The following DPP6 variants were observed in gnomAD, a reference collection of about 807,000 sequenced individuals.
The protein encoded by DPP6 is A-type potassium channel modulatory protein DPP6.
In DPP6, 69 loss-of-function variants were observed where a neutral mutation model predicts 122.6. That is an observed-to-expected ratio of 0.56 (90% CI 0.46 to 0.69). The LOEUF (loss-of-function observed/expected upper bound fraction) is 0.69. Ranked by LOEUF, DPP6 falls within the 30% of genes least tolerant of loss-of-function variation. The pLI, the probability that DPP6 is intolerant of heterozygous loss-of-function variation, is 0.00. For synonymous variants in DPP6, 418 were observed against 433.1 expected (o/e 0.97, Z 0.43); for missense variants, 928 against 1,116.9 (o/e 0.83, Z 2.41).
chr7:154,888,932 G>C (rs1367836196), intron 23 of DPP6, among the ~76,000 whole-genome samples: 1 of 152,154 alleles, frequency 6.6e-6, no homozygotes, highest in Non-Finnish European at 1.5e-5. Flanking sequence ...GCCTTATAAA[G>C]TCATCAGCTC....
At chr7:154,468,879 C>A (rs956393178) in intron 2 of DPP6, among the ~76,000 whole-genome samples, 2 of 152,136 alleles carry the variant, frequency 1.3e-5, no homozygotes, top group Admixed American at 1.3e-4. Flanking sequence ...ATTAGTATCT[C>A]TGTGAGACTT....
intron 16 of DPP6, among the ~76,000 whole-genome samples, chr7:154,817,586 G>T (rs376124023): frequency 6.6e-6 from 1 of 152,078 alleles, no homozygotes; most frequent in African/African-American, 2.4e-5. Flanking sequence ...TCGATGTTAC[G>T]AATATCATGA....
chr7:153,932,590 T>C (rs566176611), intron 1 of DPP6, among the ~76,000 whole-genome samples: 1 of 152,240 alleles, frequency 6.6e-6, no homozygotes, highest in African/African-American at 2.4e-5. Context: ...ACAAACAAGA[T>C]TGAGAATCTG....
intron 1 of DPP6, among the ~76,000 whole-genome samples, chr7:154,024,656 G>C (rs4726369): frequency 6.6e-6 from 1 of 152,154 alleles, no homozygotes; most frequent in Non-Finnish European, 1.5e-5. Flanking sequence ...TCCCTTTAAC[G>C]TGCGTATGTT....
chr7:154,609,909 G>A lies in DPP6; in HGVS notation c.628-27912G>A, dbSNP rs562785414. ...CATTCACTCCTTTCCAGAAATGATCGCTGCTTTTTATATTCTCCTTGGAAA... is the reference window on the plus strand; with the variant it reads ...CATTCACTCCTTTCCAGAAATGATCACTGCTTTTTATATTCTCCTTGGAAA... On this transcript the variant is annotated intron_variant, in intron 5 of 25. Coordinates refer to ENST00000377770, the MANE Select transcript of DPP6 (RefSeq NM_130797.4). Among the ~76,000 whole-genome samples the A allele has an allele frequency of 1.1e-4, 16 of 152,134 alleles. No homozygotes were observed. The South Asian group carries it at 2.1e-3, about 20-fold the overall frequency.
intron 1 of DPP6, among the ~76,000 whole-genome samples, chr7:154,320,492 TG>T (rs1452485269): frequency 4.5e-4 from 68 of 152,220 alleles, no homozygotes; most frequent in African/African-American, 1.5e-3. Flanking sequence ...TTTTTGTTGT[TG>T]TTTTTCTTGA....
At chr7:154,663,971 A>T (rs532505520) in intron 6 of DPP6, among the ~76,000 whole-genome samples, 38 of 67,592 alleles carry the variant, frequency 5.6e-4, no homozygotes, top group African/African-American at 1.6e-3. Flanking sequence ...TGGCGCTAGT[A>T]TTCATATAGT....
chr7:153,955,433 G>T (rs1802414189), intron 1 of DPP6, among the ~76,000 whole-genome samples: 1 of 151,970 alleles, frequency 6.6e-6, no homozygotes, highest in Non-Finnish European at 1.5e-5. Flanking sequence ...CATTATTGTT[G>T]TTATTTATTT....
intron 3 of DPP6, among the ~76,000 whole-genome samples, chr7:154,480,557 C>T (rs1019794919): frequency 6.6e-6 from 1 of 152,162 alleles, no homozygotes; most frequent in Non-Finnish European, 1.5e-5. Context: ...CCGGTTCTCC[C>T]TCTTCTCCCT....
chr7:154,290,079 C>T (rs1563422121), intron 1 of DPP6, among the ~76,000 whole-genome samples: 1 of 152,226 alleles, frequency 6.6e-6, no homozygotes. Flanking sequence ...CATGGACACA[C>T]TGCAGTGCCA....
At chr7:153,763,666 A>T in the DPP6 span, among the ~76,000 whole-genome samples, 1 of 152,158 alleles carries the variant, frequency 6.6e-6, no homozygotes, top group Non-Finnish European at 1.5e-5. Context: ...GGGTTTACTA[A>T]TGTGTTATAG....
At chr7:154,061,829 C>G (rs1397358809) in intron 1 of DPP6, among the ~76,000 whole-genome samples, 44 of 138,616 alleles carry the variant, frequency 3.2e-4, no homozygotes, top group African/African-American at 1.1e-3. Flanking sequence ...CCTCTTCCCC[C>G]CTTTGCTCTT....
the DPP6 span, among the ~76,000 whole-genome samples, chr7:153,778,581 A>G: frequency 5.4e-5 from 8 of 149,468 alleles, no homozygotes; most frequent in Non-Finnish European, 1.2e-4. Flanking sequence ...AACCATGTCT[A>G]CAATTCCGTC....
At chr7:154,550,590 G>A (rs1829551510) in intron 4 of DPP6, among the ~76,000 whole-genome samples, 1 of 152,058 alleles carries the variant, frequency 6.6e-6, no homozygotes, top group African/African-American at 2.4e-5. Context: ...GTGAACTTGG[G>A]AAATATTTGT....
intron 1 of DPP6, among the ~76,000 whole-genome samples, chr7:154,388,297 T>C (rs1316490090): frequency 6.6e-6 from 1 of 152,118 alleles, no homozygotes; most frequent in Non-Finnish European, 1.5e-5. Context: ...AAAAAATATA[T>C]AGTGATTGAA....
chr7:153,750,149 C>T, the DPP6 span, among the ~76,000 whole-genome samples: 3 of 152,180 alleles, frequency 2.0e-5, no homozygotes, highest in Admixed American at 6.5e-5. Flanking sequence ...AATTCTTGTT[C>T]TGTTTGAGTT....
intron 1 of DPP6, among the ~76,000 whole-genome samples, chr7:154,045,307 A>G (rs1245583779): frequency 6.6e-6 from 1 of 152,168 alleles, no homozygotes; most frequent in Non-Finnish European, 1.5e-5. Context: ...TAAATGTATA[A>G]GCTGTTATCT....
At chr7:154,697,595 G>A (rs1256392305) in intron 7 of DPP6, among the ~76,000 whole-genome samples, 4 of 152,260 alleles carry the variant, frequency 2.6e-5, no homozygotes, top group Non-Finnish European at 5.9e-5. Context: ...ACATGGATAC[G>A]TTATGGGAGA....
intron 6 of DPP6, among the ~76,000 whole-genome samples, chr7:154,643,538 A>G (rs972459119): frequency 2.1e-5 from 3 of 144,576 alleles, no homozygotes; most frequent in Non-Finnish European, 4.5e-5. Flanking sequence ...ATACGATCTC[A>G]GCTCACTGCA....
Sources: gnomAD v4.1 joint callset for allele counts (sites outside exome capture counted in the v4.1 genomes callset) on GRCh38, gnomAD v4.1.1 for gene constraint, MANE v1.5 for transcripts, NCBI Gene and HGNC (gene_info 2026-07-23, HGNC 2026-07-21) for gene names.